GALNT2: variants seen among roughly 807,000 people sequenced by gnomAD.
GALNT2 encodes UDP-GalNAc:polypeptide N-acetylgalactosaminyltransferase 2.
A neutral mutation model predicts 81.4 loss-of-function variants in GALNT2; 31 were observed. That is an observed-to-expected ratio of 0.38 (90% CI 0.29 to 0.51). The LOEUF (loss-of-function observed/expected upper bound fraction) is 0.51. Ranked by LOEUF, GALNT2 falls within the 20% of genes least tolerant of loss-of-function variation. The pLI, the probability that GALNT2 is intolerant of heterozygous loss-of-function variation, is 0.87. For missense variants in GALNT2, 629 were observed against 765.7 expected (o/e 0.82, Z 2.11); for synonymous variants, 303 against 287.4 (o/e 1.05, Z -0.55).
Position 230,067,284 on chromosome 1 carries a change from C to T in GALNT2, c.4C>T (p.Arg2Trp), listed in dbSNP as rs776589215. M[R>W]RRSRMLLCFA... The stretch of plus-strand genomic sequence containing the variant: ...CGCCGGCGGCCGAGTTGGGAGAATG[C>T]GGCGGCGCTCGCGGATGCTGCTCTG... Residue 2 changes from arginine to tryptophan, a missense_variant, in exon 1 of 16, where the codon CGG becomes TGG. Transcript: ENST00000366672. 3.0e-6 allele frequency: 4 copies of T among 1,350,282 alleles called. No individual in the cohort carries two copies. The highest frequency in any genetic ancestry group is 2.9e-6 in the Non-Finnish European group (3 of 1,037,708). The allele number at this position is 1,350,282 out of a possible 1,614,324, so 83.6% of individuals were successfully genotyped here.
chr1:230,220,515 C>T (rs962382915), intron 3 of GALNT2, among the ~76,000 whole-genome samples: 1 of 151,814 alleles, frequency 6.6e-6, no homozygotes, highest in Non-Finnish European at 1.5e-5. Context: ...CACAGGTTGC[C>T]CTTGAGATTG....
chr1:230,137,843 A>G (rs1661599196), intron 1 of GALNT2, among the ~76,000 whole-genome samples: 1 of 152,214 alleles, frequency 6.6e-6, no homozygotes. Flanking sequence ...TTGAAAAGTG[A>G]AATATATTCT....
chr1:230,131,291 C>T (rs1012444252), intron 1 of GALNT2, among the ~76,000 whole-genome samples: 2 of 152,112 alleles, frequency 1.3e-5, no homozygotes, highest in Admixed American at 1.3e-4. Flanking sequence ...TCTGAGAGGC[C>T]TGGAGGAAGA....
intron 10 of GALNT2, among the ~76,000 whole-genome samples, chr1:230,254,683 T>A (rs1665652559): frequency 6.6e-6 from 1 of 152,182 alleles, no homozygotes; most frequent in Admixed American, 6.5e-5. Flanking sequence ...TAAAAATAAG[T>A]TTTAGAGAAA....
intron 1 of GALNT2, chr1:230,058,109 A>G: frequency 2.2e-6 from 1 of 456,208 alleles, no homozygotes. Flanking sequence ...AAGTACACGT[A>G]TGTCCTTAAG....
At chr1:230,179,098 AAT>A (rs1468127513) in intron 2 of GALNT2, among the ~76,000 whole-genome samples, 1 of 149,862 alleles carries the variant, frequency 6.7e-6, no homozygotes, top group Non-Finnish European at 1.5e-5. Context: ...ATTAATATTT[AAT>A]ATATATTTAA....
chr1:230,083,328 T>C (rs1659802384), intron 1 of GALNT2, among the ~76,000 whole-genome samples: 1 of 140,822 alleles, frequency 7.1e-6, no homozygotes, highest in Admixed American at 7.2e-5. Context: ...GGAGCGAGGA[T>C]GATGGAGCAG....
chr1:230,214,248 G>A (rs1050774479), intron 3 of GALNT2, among the ~76,000 whole-genome samples: 2 of 152,202 alleles, frequency 1.3e-5, no homozygotes, highest in Admixed American at 1.3e-4. Flanking sequence ...AAGTAACTGG[G>A]ATTACAGGCA....
rs1444144170 is a variant in GALNT2, at chr1:230,235,973, T to TG, written c.375-36dup. 2.5e-6 allele frequency: 4 copies of TG among 1,589,256 alleles called. No individual in the cohort carries two copies. The South Asian group carries it at 4.4e-5, about 18-fold the overall frequency. ...AGGGCTAAACAAGCTGTGGCTGCTC[T>TG]GGGGGTCATTGTTCAGAGGACCATC... is the stretch of plus-strand genomic sequence containing the variant. On this transcript the variant is annotated intron_variant, in intron 3 of 15. Coordinates refer to ENST00000366672, the MANE Select transcript of GALNT2 (RefSeq NM_004481.5).
chr1:230,143,098 C>T (rs1362202602), intron 1 of GALNT2, among the ~76,000 whole-genome samples: 1 of 152,178 alleles, frequency 6.6e-6, no homozygotes, highest in African/African-American at 2.4e-5. Context: ...GTGCTGGCTC[C>T]TCTAGGCTTC....
intron 1 of GALNT2, among the ~76,000 whole-genome samples, chr1:230,082,139 A>G (rs957937037): frequency 1.8e-4 from 28 of 152,188 alleles, no homozygotes; most frequent in African/African-American, 6.5e-4. Flanking sequence ...CTGGTGAGGC[A>G]GGCTTTTCCA....
At chr1:230,108,929 C>T (rs1443450132) in intron 1 of GALNT2, among the ~76,000 whole-genome samples, 3 of 129,702 alleles carry the variant, frequency 2.3e-5, no homozygotes, top group East Asian at 4.7e-4. Context: ...TTCGCACCAT[C>T]GTGAAGTCAG....
At chr1:230,069,266 TTTTTGTTTTG>T (rs956477390) in intron 1 of GALNT2, among the ~76,000 whole-genome samples, 12 of 148,816 alleles carry the variant, frequency 8.1e-5, no homozygotes, top group Middle Eastern at 3.4e-3. Context: ...AGTTTGTTTT[TTTTTGTTTTG>T]TTTTGTTTTG....
chr1:230,187,832 T>C (rs769871426), intron 2 of GALNT2, among the ~76,000 whole-genome samples: 5 of 152,146 alleles, frequency 3.3e-5, no homozygotes, highest in Non-Finnish European at 4.4e-5. Context: ...AAAGTCCTGC[T>C]GTCAAGCTGT....
intron 1 of GALNT2, among the ~76,000 whole-genome samples, chr1:230,136,276 C>T (rs943399628): frequency 6.6e-6 from 1 of 152,110 alleles, no homozygotes; most frequent in Admixed American, 6.5e-5. Flanking sequence ...GATTGGGTCG[C>T]GCCTGATCAT....
chr1:230,081,447 T>C (rs1334023392), intron 1 of GALNT2, among the ~76,000 whole-genome samples: 1 of 152,236 alleles, frequency 6.6e-6, no homozygotes, highest in Non-Finnish European at 1.5e-5. Flanking sequence ...TATTGGCAAT[T>C]GGATTTTTCA....
At chr1:230,180,808 A>G (rs1663135961) in intron 2 of GALNT2, among the ~76,000 whole-genome samples, 1 of 152,168 alleles carries the variant, frequency 6.6e-6, no homozygotes, top group Non-Finnish European at 1.5e-5. Context: ...TTTTCCTCAT[A>G]CAGAATTTAT....
intron 3 of GALNT2, among the ~76,000 whole-genome samples, chr1:230,233,615 A>G (rs1664933856): frequency 6.6e-6 from 1 of 151,600 alleles, no homozygotes; most frequent in African/African-American, 2.4e-5. Flanking sequence ...CTCCGTCTCA[A>G]AAGAAAAAAA....
At chr1:230,157,045 C>A (rs2102842213) in intron 1 of GALNT2, among the ~76,000 whole-genome samples, 1 of 152,262 alleles carries the variant, frequency 6.6e-6, no homozygotes, top group East Asian at 1.9e-4. Flanking sequence ...TGTGGAGAAT[C>A]CCTGCAGGAG....
Sources: allele counts gnomAD v4.1 joint callset (sites outside exome capture counted in the v4.1 genomes callset), GRCh38; gene constraint gnomAD v4.1.1; transcripts MANE v1.5; gene names NCBI Gene and HGNC (gene_info 2026-07-23, HGNC 2026-07-21).